IFRD1: variants seen among roughly 807,000 people sequenced by gnomAD.
The protein encoded by IFRD1 is interferon-related developmental regulator 1.
A neutral mutation model predicts 52.9 loss-of-function variants in IFRD1; 35 were observed. The observed-to-expected ratio is 0.66, with a 90% CI of 0.51 to 0.88. The LOEUF (loss-of-function observed/expected upper bound fraction) is 0.88. Ranked by LOEUF, IFRD1 falls within the 40% of genes least tolerant of loss-of-function variation. The pLI, the probability that IFRD1 is intolerant of heterozygous loss-of-function variation, is 0.00. For missense variants in IFRD1, 517 were observed against 550.8 expected, an observed-to-expected ratio of 0.94 and a Z score of 0.61; for synonymous variants, 184 against 188.4, an observed-to-expected ratio of 0.98 and a Z score of 0.19.
At chr7:112,432,800 GAA>G (rs1794576284) in intron 1 of IFRD1, among the ~76,000 whole-genome samples, 1 of 152,182 alleles carries the variant, frequency 6.6e-6, no homozygotes, top group South Asian at 2.1e-4. Flanking sequence ...CAGCAGGTGA[GAA>G]AAGTAAAATA....
intron 1 of IFRD1, among the ~76,000 whole-genome samples, chr7:112,441,955 C>T (rs1794900678): frequency 6.6e-6 from 1 of 152,022 alleles, no homozygotes; most frequent in African/African-American, 2.4e-5. Flanking sequence ...TCCTAGCACT[C>T]GCAGAATTTA....
At chr7:112,467,686 C>T in intron 8 of IFRD1, 1 of 374,254 alleles carries the variant, frequency 2.7e-6, no homozygotes, top group South Asian at 2.3e-5. Context: ...ACTTTGAAAT[C>T]CCAGTAATGT....
intron 1 of IFRD1, among the ~76,000 whole-genome samples, chr7:112,453,160 A>G (rs1001357818): frequency 6.6e-6 from 1 of 152,204 alleles, no homozygotes; most frequent in African/African-American, 2.4e-5. Flanking sequence ...CCAAATTGTC[A>G]TTATTACTTT....
chr7:112,445,882 G>C (rs1322031562), upstream of IFRD1, among the ~76,000 whole-genome samples: 2 of 151,656 alleles, frequency 1.3e-5, no homozygotes, highest in Non-Finnish European at 2.9e-5. Context: ...AAGTAATCAA[G>C]AACTACAATA....
At chr7:112,424,455 T>C (rs551535026) in intron 1 of IFRD1, among the ~76,000 whole-genome samples, 4 of 151,968 alleles carry the variant, frequency 2.6e-5, no homozygotes, top group Admixed American at 6.6e-5. Context: ...GCTCTTGTTG[T>C]CCAGGCTGGA....
chr7:112,453,928 G>T (rs559074146), intron 1 of IFRD1, among the ~76,000 whole-genome samples: 1 of 151,898 alleles, frequency 6.6e-6, no homozygotes, highest in Non-Finnish European at 1.5e-5. Context: ...AAAAAAAACC[G>T]TTAAGGTGGT....
At chr7:112,463,848 TTA>T (rs1339800128) in intron 8 of IFRD1, among the ~76,000 whole-genome samples, 4,852 of 34,388 alleles carry the variant, frequency 0.14, 276 homozygotes, top group African/African-American at 0.39. Context: ...ATATACACAT[TTA>T]TATACACACA....
Position 112,431,582 on chromosome 7 carries a change from C to T in IFRD1, c.-182+8150C>T, listed in dbSNP as rs139477192. Among the ~76,000 whole-genome samples the T allele has an allele frequency of 3.8e-4, 58 of 152,294 alleles. No homozygotes were observed. The East Asian group carries it at 9.3e-3, about 24-fold the overall frequency. On this transcript the variant is annotated intron_variant, in intron 1 of 12. Transcript: ENST00000005558. Reference sequence around the variant, plus strand: ...CTTATATCTATGCAGTCCTCCTTCCCATCCTATTGCAATACTGGGAGGGAA... The same window carrying T: ...CTTATATCTATGCAGTCCTCCTTCCTATCCTATTGCAATACTGGGAGGGAA...
intron 1 of IFRD1, among the ~76,000 whole-genome samples, chr7:112,438,948 C>T (rs1385083324): frequency 1.3e-5 from 2 of 151,994 alleles, no homozygotes; most frequent in African/African-American, 4.8e-5. Context: ...AAAGATGTTT[C>T]GGTTAAAAAA....
intron 9 of IFRD1, among the ~76,000 whole-genome samples, chr7:112,470,788 T>G (rs1795726256): frequency 6.6e-6 from 1 of 152,222 alleles, no homozygotes. Flanking sequence ...CCTAATACAA[T>G]GTAAGTGCTA....
At position 112,472,331 on chromosome 7, in the gene IFRD1, T is replaced by TA; in HGVS notation, c.1154_1155insA (p.Met385IlefsTer9). ...TTTAAGGAGGTTCTTGGATCAGGGA[T>TA]GCAGTACCACTTGCAGGTAAGTGTC... On this transcript the variant is annotated frameshift_variant, in exon 10 of 12. Coordinates refer to ENST00000403825, the MANE Select transcript of IFRD1 (RefSeq NM_001550.4). LOFTEE classifies it high-confidence loss of function. The TA allele has an allele frequency of 6.2e-7, 1 of 1,614,052 alleles. No homozygotes were observed. The highest frequency in any genetic ancestry group is 8.5e-7 in the Non-Finnish European group (1 of 1,179,938).
intron 8 of IFRD1, chr7:112,467,737 A>G: frequency 2.1e-6 from 1 of 469,992 alleles, no homozygotes; most frequent in Non-Finnish European, 3.9e-6. Context: ...TGTTGGATGC[A>G]TTTACTTGGA....
chr7:112,475,323 A>G (rs1795872328), intron 11 of IFRD1, 107 bp from the exon 12 acceptor site: 3 of 697,116 alleles, frequency 4.3e-6, no homozygotes, highest in African/African-American at 1.8e-5. Context: ...AAATGTTTAT[A>G]GGGTCAAATT....
intron 9 of IFRD1, among the ~76,000 whole-genome samples, chr7:112,469,262 G>A (rs917766024): frequency 6.6e-6 from 1 of 152,154 alleles, no homozygotes; most frequent in African/African-American, 2.4e-5. Context: ...ATATGTTCCA[G>A]TGAATTCTTA....
chr7:112,437,333 CAAAGCCTAGT>C (rs1794726967), intron 1 of IFRD1: 1 of 154,592 alleles, frequency 6.5e-6, no homozygotes, highest in South Asian at 2.0e-4. Flanking sequence ...ACAAGGAACT[CAAAGCCTAGT>C]AAAGAAAAAT....
chr7:112,458,438 T>G (rs1795348684), intron 4 of IFRD1: 1 of 178,028 alleles, frequency 5.6e-6, no homozygotes, highest in Admixed American at 5.5e-5. Flanking sequence ...GTTTACCTAA[T>G]GGACTGTGTA....
intron 1 of IFRD1, chr7:112,435,653 TGTGC>T (rs919017863): frequency 3.5e-4 from 52 of 149,402 alleles, no homozygotes; most frequent in African/African-American, 6.3e-4. Context: ...TGTGTGTGTG[TGTGC>T]GTGCTTGTAA....
chr7:112,433,078 A>G (rs1039244350), intron 1 of IFRD1, among the ~76,000 whole-genome samples: 1 of 152,224 alleles, frequency 6.6e-6, no homozygotes, highest in African/African-American at 2.4e-5. Context: ...TGTGGATCAT[A>G]GAATCAACTG....
At chr7:112,469,555 A>AT (rs200652443) in intron 9 of IFRD1, among the ~76,000 whole-genome samples, 4,811 of 151,306 alleles carry the variant, frequency 0.032, 257 homozygotes, top group African/African-American at 0.11. Flanking sequence ...CCTATATTTG[A>AT]TTTTTTTTTG....
Sources: gnomAD v4.1 joint callset for allele counts (sites outside exome capture counted in the v4.1 genomes callset) on GRCh38, gnomAD v4.1.1 for gene constraint, MANE v1.5 for transcripts, NCBI Gene and HGNC (gene_info 2026-07-23, HGNC 2026-07-21) for gene names.